RHOBTB1: variants seen among roughly 807,000 people sequenced by gnomAD.
The protein encoded by RHOBTB1 is rho-related BTB domain-containing protein 1.
In RHOBTB1, 40 loss-of-function variants were observed where a neutral mutation model predicts 71.6. The observed-to-expected ratio is 0.56, with a 90% confidence interval of 0.43 to 0.73. RHOBTB1 has a LOEUF of 0.73. Ranked by LOEUF, RHOBTB1 falls within the 30% of genes least tolerant of loss-of-function variation. The pLI is 0.00. For missense variants in RHOBTB1, 797 were observed against 894.0 expected, an observed-to-expected ratio of 0.89 and a Z score of 1.38; for synonymous variants, 319 against 334.9, an observed-to-expected ratio of 0.95 and a Z score of 0.52.
chr10:60,933,092 C>T (rs1290665095), intron 2 of RHOBTB1, among the ~76,000 whole-genome samples: 1 of 152,182 alleles, frequency 6.6e-6, no homozygotes, highest in Non-Finnish European at 1.5e-5. Flanking sequence ...AACGTTAGAC[C>T]ATAAATGCAA....
downstream of RHOBTB1, among the ~76,000 whole-genome samples, chr10:60,867,316 G>C (rs573879058): frequency 2.0e-5 from 3 of 152,212 alleles, no homozygotes; most frequent in Non-Finnish European, 4.4e-5. Context: ...TGGCTTCCAA[G>C]TGGAAAGAAA....
At chr10:60,860,947 A>C in the RHOBTB1 span, among the ~76,000 whole-genome samples, 1 of 152,212 alleles carries the variant, frequency 6.6e-6, no homozygotes, top group Non-Finnish European at 1.5e-5. Context: ...ACTGAGTCTC[A>C]TACTATTTTT....
At chr10:60,875,111 G>A in intron 8 of RHOBTB1, 69 bp from the exon 9 acceptor site, 3 of 1,150,734 alleles carry the variant, frequency 2.6e-6, no homozygotes, top group African/African-American at 3.0e-5. Context: ...TGCCTGGAGG[G>A]TTGGTCTGGG....
At chr10:60,959,642 C>T (rs1044551043) in intron 2 of RHOBTB1, among the ~76,000 whole-genome samples, 1 of 152,164 alleles carries the variant, frequency 6.6e-6, no homozygotes, top group African/African-American at 2.4e-5. Flanking sequence ...AACTAACAGG[C>T]AGGAGTCAGA....
At chr10:60,884,256 G>A (rs979318846) in intron 7 of RHOBTB1, among the ~76,000 whole-genome samples, 2 of 152,100 alleles carry the variant, frequency 1.3e-5, no homozygotes, top group Non-Finnish European at 2.9e-5. Flanking sequence ...CAATGGGAGT[G>A]CTCGAATTTC....
chr10:60,998,127 T>C (rs544764918), intron 1 of RHOBTB1, among the ~76,000 whole-genome samples: 19 of 152,328 alleles, frequency 1.2e-4, no homozygotes, highest in African/African-American at 4.3e-4. Context: ...ATTTGTCCTG[T>C]GTGTCTGAGG....
intron 2 of RHOBTB1, among the ~76,000 whole-genome samples, chr10:60,974,400 A>G (rs771214890): frequency 2.6e-5 from 4 of 152,102 alleles, no homozygotes; most frequent in African/African-American, 4.8e-5. Context: ...TTTGTTTTTC[A>G]AATTTCAAGA....
chr10:60,936,911 T>C (rs1215096489), intron 2 of RHOBTB1, among the ~76,000 whole-genome samples: 1 of 152,190 alleles, frequency 6.6e-6, no homozygotes, highest in Non-Finnish European at 1.5e-5. Context: ...GTTCAGCCAC[T>C]TCATAGCACT....
chr10:60,977,922 T>A (rs1261877595), intron 2 of RHOBTB1, among the ~76,000 whole-genome samples: 1 of 152,120 alleles, frequency 6.6e-6, no homozygotes, highest in East Asian at 1.9e-4. Context: ...AGACATAAAT[T>A]AATCATTTAC....
intron 1 of RHOBTB1, among the ~76,000 whole-genome samples, chr10:60,988,697 A>G (rs760683129): frequency 6.6e-6 from 1 of 152,096 alleles, no homozygotes; most frequent in African/African-American, 2.4e-5. Context: ...TCTTTATTCA[A>G]TCCACCACTG....
At chr10:60,928,345 A>T (rs544673686) in intron 2 of RHOBTB1, among the ~76,000 whole-genome samples, 1 of 152,230 alleles carries the variant, frequency 6.6e-6, no homozygotes, top group Admixed American at 6.5e-5. Context: ...AAAAAAAGAA[A>T]ATCAGTATAT....
chr10:60,993,107 G>GAC (rs1399628293), intron 1 of RHOBTB1, among the ~76,000 whole-genome samples: 1 of 152,094 alleles, frequency 6.6e-6, no homozygotes, highest in African/African-American at 2.4e-5. Flanking sequence ...TGATGGAGGG[G>GAC]ACGTGTCTCT....
intron 1 of RHOBTB1, among the ~76,000 whole-genome samples, chr10:61,000,988 TCTGA>T (rs986734147): frequency 6.6e-6 from 1 of 152,170 alleles, no homozygotes; most frequent in Admixed American, 6.5e-5. Flanking sequence ...TCTTATCTTT[TCTGA>T]CTGACAGTGA....
intron 7 of RHOBTB1, among the ~76,000 whole-genome samples, chr10:60,878,654 C>G (rs1034513210): frequency 6.6e-6 from 1 of 152,246 alleles, no homozygotes; most frequent in Non-Finnish European, 1.5e-5. Flanking sequence ...TCAGTAGATT[C>G]GGAGAATCCA....
intron 1 of RHOBTB1, among the ~76,000 whole-genome samples, chr10:60,987,970 G>A (rs565880594): frequency 1.0e-3 from 106 of 103,354 alleles, no homozygotes; most frequent in Non-Finnish European, 1.5e-3. Flanking sequence ...GTCTCGCTCT[G>A]TCCCCCAGGA....
chr10:60,995,685 C>T (rs951534280), intron 1 of RHOBTB1, among the ~76,000 whole-genome samples: 6 of 152,128 alleles, frequency 3.9e-5, no homozygotes, highest in Non-Finnish European at 5.9e-5. Context: ...GTTGAATGTA[C>T]TTATTTAAAA....
At chr10:60,982,877 T>C (rs1204608644) in intron 2 of RHOBTB1, among the ~76,000 whole-genome samples, 2 of 152,198 alleles carry the variant, frequency 1.3e-5, no homozygotes, top group African/African-American at 4.8e-5. Flanking sequence ...GCGTTTCATT[T>C]GCCCTCTTTC....
chr10:60,916,196 C>T (rs907233968), intron 2 of RHOBTB1, among the ~76,000 whole-genome samples: 3 of 152,176 alleles, frequency 2.0e-5, no homozygotes, highest in Non-Finnish European at 4.4e-5. Flanking sequence ...TCTCCAGAGG[C>T]CCTGCAGTTC....
intron 2 of RHOBTB1, among the ~76,000 whole-genome samples, chr10:60,931,137 CA>C (rs2084224088): frequency 6.6e-6 from 1 of 151,980 alleles, no homozygotes; most frequent in East Asian, 1.9e-4. Flanking sequence ...CTTTTGATTC[CA>C]AATTTTCTAC....
Sources: gnomAD v4.1 joint callset for allele counts (sites outside exome capture counted in the v4.1 genomes callset) on GRCh38, gnomAD v4.1.1 for gene constraint, MANE v1.5 for transcripts, NCBI Gene and HGNC (gene_info 2026-07-23, HGNC 2026-07-21) for gene names.